The following CD52 variants were observed in gnomAD, a reference collection of about 807,000 sequenced individuals.
CD52 encodes the protein CAMPATH-1 antigen.
Under a neutral mutation model 2.5 loss-of-function variants are expected in CD52, and 2 were observed. The observed-to-expected ratio is 0.79, with a 90% confidence interval of 0.32 to 2.48. The LOEUF is 2.48. Among genes scored for constraint, CD52 ranks in the 30% most tolerant of loss-of-function variants. CD52 has a pLI of 0.11. For synonymous variants in CD52, 24 were observed against 27.7 expected, an observed-to-expected ratio of 0.87 and a Z score of 0.42; for missense variants, 62 against 75.8, an observed-to-expected ratio of 0.82 and a Z score of 0.68.
At chr1:26,318,395 G>A in intron 1 of CD52, 1 of 258,102 alleles carries the variant, frequency 3.9e-6, no homozygotes, top group East Asian at 7.5e-5. Flanking sequence ...AGACAACCCT[G>A]AGTGAGGAAG....
chr1:26,318,236 C>T (rs2073818452), intron 1 of CD52, 165 bp downstream of exon 1: 2 of 629,320 alleles, frequency 3.2e-6, no homozygotes, highest in Non-Finnish European at 5.6e-6. Context: ...GGCCGCCCAG[C>T]CTTCCAGCTC....
In CD52 at chr1:26,320,281, C is replaced by T. The variant is rs2073841056; in HGVS notation, c.165C>T (p.Ile55=). 1 of 1,613,052 alleles carries T rather than the reference C, an allele frequency of 6.2e-7. No individual in the cohort carries two copies. The highest frequency in any genetic ancestry group is 8.5e-7 in the Non-Finnish European group (1 of 1,179,728). Residue 55 remains isoleucine, a synonymous_variant, in exon 2 of 2, where the codon ATC becomes ATT. Transcript: ENST00000374213. Reference sequence around the variant, plus strand: ...TTTTCTTCGTGGCCAATGCCATAATCCACCTCTTCTGCTTCAGTTGAGGTG... The same window carrying T: ...TTTTCTTCGTGGCCAATGCCATAATTCACCTCTTCTGCTTCAGTTGAGGTG... ...IFLFFVANAI[I]HLFCFS is the part of the protein sequence containing the mutation.
intron 1 of CD52, chr1:26,318,514 C>T (rs2073821034): frequency 1.3e-5 from 2 of 156,204 alleles, no homozygotes; most frequent in Admixed American, 6.3e-5. Flanking sequence ...CTCTAACCCC[C>T]ACTCCCCTGC....
At chr1:26,318,279 C>A in intron 1 of CD52, 1 of 566,192 alleles carries the variant, frequency 1.8e-6, no homozygotes, top group Non-Finnish European at 3.2e-6. Context: ...TGCGGGCTGC[C>A]CTGAGAGAAA....
chr1:26,319,817 A>C (rs1043891233), intron 1 of CD52, among the ~76,000 whole-genome samples: 4 of 151,672 alleles, frequency 2.6e-5, no homozygotes, highest in Admixed American at 6.6e-5. Flanking sequence ...AATAACAAAC[A>C]CGCTATTCAA....
At position 26,318,002 on chromosome 1, in the gene CD52, C is replaced by T; in HGVS notation, c.-16C>T. ...TAAAAAGCTGCTACCAAGACAGCCA[C>T]GAAGATCCTACCAAAATGAAGCGCT... is the stretch of plus-strand genomic sequence containing the variant. On this transcript the variant is annotated 5_prime_UTR_variant, in exon 1 of 2. The change creates a new upstream start codon in the 5' untranslated region. Coordinates refer to ENST00000374213, the MANE Select transcript of CD52 (RefSeq NM_001803.3). 3 of 1,613,758 alleles carry T rather than the reference C, an allele frequency of 1.9e-6. No homozygotes were observed. Among genetic ancestry groups the T allele is most frequent in the South Asian group, 1.1e-5 (1 of 91,076 alleles).
intron 1 of CD52, among the ~76,000 whole-genome samples, chr1:26,319,841 G>A (rs1431509368): frequency 6.6e-6 from 1 of 151,906 alleles, no homozygotes. Context: ...TCCCCTGAGG[G>A]CTGGGTACGA....
In CD52 at chr1:26,320,292, G is replaced by A. The variant is rs41285429; in HGVS notation, c.176G>A (p.Cys59Tyr). 4.2e-5 allele frequency: 68 copies of A among 1,611,986 alleles called. No homozygotes were observed. Among genetic ancestry groups the A allele is most frequent in the Middle Eastern group, 1.7e-4 (1 of 6,048 alleles). ...GCCAATGCCATAATCCACCTCTTCT[G>A]CTTCAGTTGAGGTGACACGTCTCAG... ...FVANAIIHLF[C>Y]FS The change falls in exon 2 of 2, where the codon TGC (cysteine) becomes TAC (tyrosine). Residue 59 changes from cysteine (C) to tyrosine (Y), a missense_variant. Cys to Tyr is a radical substitution (Grantham distance 194). Transcript: ENST00000374213.
At chr1:26,318,774 A>C (rs2073822553) in intron 1 of CD52, 1 of 152,626 alleles carries the variant, frequency 6.6e-6, no homozygotes, top group Admixed American at 6.5e-5. Flanking sequence ...CATTAAGGAC[A>C]GCTCGATCAC....
chr1:26,319,407 C>G (rs998826858), intron 1 of CD52, among the ~76,000 whole-genome samples: 20 of 149,772 alleles, frequency 1.3e-4, no homozygotes, highest in Admixed American at 1.0e-3. Flanking sequence ...TGCAGTGAGC[C>G]GAGATCACGC....
At chr1:26,319,981 G>A (rs1286068083) in intron 1 of CD52, among the ~76,000 whole-genome samples, 190 bp from the exon 2 acceptor site, 6 of 151,820 alleles carry the variant, frequency 4.0e-5, no homozygotes, top group Admixed American at 1.3e-4. Context: ...TTAGCCGGGC[G>A]TGGTGGCACG....
At chr1:26,319,462 C>T (rs1475655067) in intron 1 of CD52, among the ~76,000 whole-genome samples, 4 of 60,622 alleles carry the variant, frequency 6.6e-5, no homozygotes, top group Non-Finnish European at 1.6e-4. Context: ...GACTCTGTCT[C>T]GGAAAAAAAA....
intron 1 of CD52, among the ~76,000 whole-genome samples, chr1:26,319,489 G>A (rs1355745712): frequency 1.7e-4 from 25 of 146,578 alleles, no homozygotes; most frequent in African/African-American, 4.0e-4. Flanking sequence ...TTAGCTGGGC[G>A]TGATAGCGGC....
At chr1:26,318,443 G>A (rs2073820449) in intron 1 of CD52, 1 of 200,236 alleles carries the variant, frequency 5.0e-6, no homozygotes, top group Non-Finnish European at 1.0e-5. Context: ...ATGGTCCTTT[G>A]GGGAGAGGCC....
At chr1:26,320,061 A>C (rs1417596935) in intron 1 of CD52, 110 bp from the exon 2 acceptor site, 11 of 1,320,014 alleles carry the variant, frequency 8.3e-6, no homozygotes, top group Non-Finnish European at 1.1e-5. Context: ...TGGAGGATGC[A>C]GTGAGCCGAG....
At position 26,320,198 on chromosome 1, in the gene CD52, G is replaced by C; in HGVS notation, c.82G>C (p.Asp28His). 6 of 1,612,742 alleles carry C rather than the reference G, an allele frequency of 3.7e-6. No homozygotes were observed. The highest frequency in any genetic ancestry group is 5.1e-6 in the Non-Finnish European group (6 of 1,179,690). ...QIQTGLSGQN[D>H]TSQTSSPSAS... Reference sequence around the variant, plus strand: ...ACAAACTGGACTCTCAGGACAAAACGACACCAGCCAAACCAGCAGCCCCTC... The same window carrying C: ...ACAAACTGGACTCTCAGGACAAAACCACACCAGCCAAACCAGCAGCCCCTC... Residue 28 changes from aspartate (D) to histidine (H), a missense_variant, in exon 2 of 2, where the codon GAC becomes CAC. Physicochemically the swap from Asp to His is moderately conservative, Grantham distance 81. Coordinates refer to ENST00000374213, the MANE Select transcript of CD52 (RefSeq NM_001803.3).
At position 26,320,394 on chromosome 1, in the gene CD52, T is replaced by TGCCA. The variant is rs2073842149; in HGVS notation, c.*94_*97dup. 5 of 1,484,236 alleles carry TGCCA rather than the reference T, an allele frequency of 3.4e-6. No homozygotes were observed. Among genetic ancestry groups the TGCCA allele is most frequent in the Non-Finnish European group, 4.5e-6 (5 of 1,108,606 alleles). The allele number at this position is 1,484,236 out of a possible 1,614,324, so 91.9% of individuals were successfully genotyped here. ...CCCCTCCATCTTTGGGAGGGGTTGA[T>TGCCA]GCCAGACATCACCAGGTTGTAGAAG... On this transcript the variant is annotated 3_prime_UTR_variant, in exon 2 of 2. Coordinates refer to ENST00000374213, the MANE Select transcript of CD52 (RefSeq NM_001803.3).
At position 26,320,509 on chromosome 1, in the gene CD52, A is replaced by G; in HGVS notation, c.*207A>G. On this transcript the variant is annotated 3_prime_UTR_variant, in exon 2 of 2. Transcript: ENST00000374213. The stretch of plus-strand genomic sequence containing the variant: ...TGCCCAGCTGGGGGTCAATAAAGTT[A>G]CCCTTGTACTTGCAGTGGGGTCCTG... 2 of 570,280 alleles carry G rather than the reference A, an allele frequency of 3.5e-6. No homozygotes were observed. Among genetic ancestry groups the G allele is most frequent in the Non-Finnish European group, 5.9e-6 (2 of 337,416 alleles). The allele number at this position is 570,280 out of a possible 1,614,324, so 35.3% of individuals were successfully genotyped here.
rs761729283 is a variant in CD52 at position 26,320,305 on chromosome 1, T to C, written c.*3T>C. The stretch of plus-strand genomic sequence containing the variant: ...TCCACCTCTTCTGCTTCAGTTGAGG[T>C]GACACGTCTCAGCCTTAGCCCTGTG... On this transcript the variant is annotated 3_prime_UTR_variant, in exon 2 of 2. Transcript: ENST00000374213. 8 of 1,611,064 alleles carry C rather than the reference T, an allele frequency of 5.0e-6. No individual in the cohort carries two copies. The African/African-American group carries it at 8.0e-5, about 16-fold the overall frequency.
Sources: gnomAD v4.1 joint callset for allele counts (sites outside exome capture counted in the v4.1 genomes callset) on GRCh38, gnomAD v4.1.1 for gene constraint, MANE v1.5 for transcripts, NCBI Gene and HGNC (gene_info 2026-07-23, HGNC 2026-07-21) for gene names.